Variants in KIF1A observed in about 807,000 individuals in gnomAD.
KIF1A encodes the protein kinesin family member 1A.
In KIF1A, 46 loss-of-function variants were observed where a neutral mutation model predicts 227.3. The ratio of observed to expected loss-of-function variants is 0.20; its 90% CI spans 0.16 to 0.26. KIF1A has a LOEUF of 0.26. Ranked by LOEUF, KIF1A falls within the 10% of genes least tolerant of loss-of-function variation. The pLI is 1.00. For synonymous variants in KIF1A, 1,022 were observed against 1,012.8 expected, an observed-to-expected ratio of 1.01 and a Z score of -0.17; for missense variants, 1,683 against 2,485.9, an observed-to-expected ratio of 0.68 and a Z score of 6.87.
intron 1 of KIF1A, among the ~76,000 whole-genome samples, chr2:240,814,321 C>T (rs1299876203): frequency 6.6e-6 from 1 of 152,102 alleles, no homozygotes; most frequent in African/African-American, 2.4e-5. Flanking sequence ...ACAAAGCCTG[C>T]TCATAAGTGA....
At chr2:240,747,407 T>C in intron 28 of KIF1A, 86 bp from the exon 29 acceptor site, 2 of 1,003,018 alleles carry the variant, frequency 2.0e-6, no homozygotes, top group Non-Finnish European at 3.0e-6. Context: ...CACCCCGCAG[T>C]CAAAGTGAGG....
rs2126137119 is a variant in KIF1A, at chr2:240,795,938, T to C, written c.106+1709A>G. Among the ~76,000 whole-genome samples the C allele has an allele frequency of 2.0e-5, 3 of 152,352 alleles. No homozygotes were observed. The South Asian group carries it at 6.2e-4, about 32-fold the overall frequency. ...GCTCGACGGGTCTGGTTCTTGTCACTGTGCCAACCATGGAGTTCCCCATGA... is the reference window on the plus strand; with the variant it reads ...GCTCGACGGGTCTGGTTCTTGTCACCGTGCCAACCATGGAGTTCCCCATGA... On this transcript the variant is annotated intron_variant, in intron 2 of 48. Transcript: ENST00000498729.
chr2:240,764,960 C>T (rs1450233862), intron 20 of KIF1A, among the ~76,000 whole-genome samples: 1 of 152,186 alleles, frequency 6.6e-6, no homozygotes, highest in Non-Finnish European at 1.5e-5. Flanking sequence ...CTGCCACCTG[C>T]CCATGGATTT....
chr2:240,719,313 C>T, intron 46 of KIF1A, 115 bp from the exon 47 acceptor site: 1 of 1,229,982 alleles, frequency 8.1e-7, no homozygotes, highest in Non-Finnish European at 1.1e-6. Context: ...CCTCCCCAGC[C>T]AGAAAGTGGG....
intron 1 of KIF1A, among the ~76,000 whole-genome samples, chr2:240,805,061 G>C (rs1245457335): frequency 1.8e-4 from 9 of 50,118 alleles, no homozygotes; most frequent in African/African-American, 1.1e-3. Flanking sequence ...AGGGAGAGGG[G>C]AGGGAGAGGG....
chr2:240,765,582 C>A (rs1009555605), intron 20 of KIF1A, 128 bp downstream of exon 20: 36 of 725,698 alleles, frequency 5.0e-5, no homozygotes, highest in Non-Finnish European at 8.4e-5. Flanking sequence ...CCCTCCCCTA[C>A]CTGCCCAGCG....
chr2:240,762,947 G>A (rs1319877237), intron 22 of KIF1A, 72 bp downstream of exon 22: 10 of 1,371,894 alleles, frequency 7.3e-6, no homozygotes, highest in Non-Finnish European at 9.8e-6. Flanking sequence ...GGGAGGAGTG[G>A]GGGCGTGGGA....
Position 240,757,669 on chromosome 2 carries a change from GCTGGGGGGCTT to G in KIF1A, c.2583-86_2583-76del. ...GGGACGAACAGGGGCCGGGGCCGGG[GCTGGGGGGCTT>G]CTGTTTAAAACCAAAACCAAACACA... is the stretch of plus-strand genomic sequence containing the variant. On this transcript the variant is annotated intron_variant, in intron 26 of 48. Transcript: ENST00000498729. This position sits in a 1 kb window ranked among gnomAD's most constrained non-coding sequence, Gnocchi z 6.2. 1 of 1,462,128 alleles carries G rather than the reference GCTGGGGGGCTT, an allele frequency of 6.8e-7. No homozygotes were observed. 90.6% of individuals were successfully genotyped at this position (1,462,128 alleles called of 1,614,324 possible). A position where few individuals can be genotyped will look rare whatever the true frequency, so the allele number is the denominator to read the frequency against.
chr2:240,786,744 G>GGGACGCCATCAGGA (rs1406812678), intron 5 of KIF1A, among the ~76,000 whole-genome samples: 1 of 52,782 alleles, frequency 1.9e-5, no homozygotes, highest in African/African-American at 8.2e-5. Context: ...TGCCTGCTGG[G>GGGACGCCATCAGGA]CCCCTGAGTG....
chr2:240,774,360 G>A, intron 11 of KIF1A, 99 bp from the exon 12 acceptor site: 1 of 666,652 alleles, frequency 1.5e-6, no homozygotes, highest in East Asian at 3.0e-5. Context: ...GGGAGGCTGA[G>A]GCCCAGAGAG....
In KIF1A at chr2:240,786,779, C is replaced by A. The variant is rs113017973; in HGVS notation, c.430-266G>T. On this transcript the variant is annotated intron_variant, in intron 5 of 48. Coordinates refer to ENST00000498729, the MANE Select transcript of KIF1A (RefSeq NM_001244008.2). ...GAGAGGGTAGGGGCCACCATCAGGA[C>A]CCCTGAGTGAGGGGGTGGGGGCTGC... 0.13 allele frequency among the ~76,000 whole-genome samples: 8,608 copies of A among 68,190 alleles called. 398 individuals carry two copies. Among genetic ancestry groups the A allele is most frequent in the African/African-American group, 0.23 (3,384 of 15,028 alleles). 44.7% of individuals were successfully genotyped at this position (68,190 alleles called of 152,430 possible).
chr2:240,776,130 G>A (rs1293862517), intron 10 of KIF1A, among the ~76,000 whole-genome samples: 1 of 152,174 alleles, frequency 6.6e-6, no homozygotes, highest in Non-Finnish European at 1.5e-5. Context: ...CCTCCTCTAG[G>A]CCACAGTCAG....
In KIF1A at chr2:240,721,794, C is replaced by A. The variant is rs1281980591; in HGVS notation, c.4743+13G>T. The A allele has an allele frequency of 6.3e-7, 1 of 1,595,988 alleles. No homozygotes were observed. Among genetic ancestry groups the A allele is most frequent in the Non-Finnish European group, 8.5e-7 (1 of 1,174,476 alleles). On this transcript the variant is annotated intron_variant, in intron 44 of 48. Transcript: ENST00000498729. ...CCCTGCGGGGCAGCCTGGTGCAGCC[C>A]CTCTGCACCCACCTTGCTCTCGCTG... is the stretch of plus-strand genomic sequence containing the variant.
In KIF1A at chr2:240,758,383, G is replaced by A; in HGVS notation, c.2559C>T (p.Phe853=). The A allele has an allele frequency of 6.2e-7, 1 of 1,612,564 alleles. No individual in the cohort carries two copies. The highest frequency in any genetic ancestry group is 8.5e-7 in the Non-Finnish European group (1 of 1,179,166). ...VTGGDPFYDR[F]PWFRLVGSSA... Reference sequence around the variant, plus strand: ...ACCTGCCCACCAGCCGGAACCAGGGGAAGCGGTCATAGAAGGGGTCTCCGC... The same window carrying A: ...ACCTGCCCACCAGCCGGAACCAGGGAAAGCGGTCATAGAAGGGGTCTCCGC... The change falls in exon 26 of 49, where the codon TTC becomes TTT. Residue 853 remains phenylalanine, a synonymous_variant. Coordinates refer to ENST00000498729, the MANE Select transcript of KIF1A (RefSeq NM_001244008.2). This position sits in a 1 kb window ranked among gnomAD's most constrained non-coding sequence, Gnocchi z 5.2.
intron 17 of KIF1A, 64 bp from the exon 18 acceptor site, chr2:240,767,409 C>T (rs2051347739): frequency 1.5e-6 from 2 of 1,326,178 alleles, no homozygotes; most frequent in Non-Finnish European, 2.2e-6. Context: ...TGGCCACACC[C>T]CCCTCCAACC....
At position 240,790,368 on chromosome 2, in the gene KIF1A, G is replaced by T. The variant is rs13010358; in HGVS notation, c.107-1056C>A. On this transcript the variant is annotated intron_variant, in intron 2 of 48. Transcript: ENST00000498729. The surrounding 1 kb of genome is among the most constrained non-coding windows in gnomAD (Gnocchi z 5.0). Reference sequence around the variant, plus strand: ...CGAAGCCCTCATGGCACCGTCCTATGCTTGGAGATGAAGGCTGGAGATGAG... The same window carrying T: ...CGAAGCCCTCATGGCACCGTCCTATTCTTGGAGATGAAGGCTGGAGATGAG... Among the ~76,000 whole-genome samples, 1,623 of 152,060 alleles carry T rather than the reference G, an allele frequency of 0.011. 19 individuals carry two copies. The highest frequency in any genetic ancestry group is 0.017 in the Non-Finnish European group (1,154 of 68,002).
intron 40 of KIF1A, chr2:240,724,383 T>A: frequency 2.7e-6 from 1 of 368,972 alleles, no homozygotes; most frequent in South Asian, 2.4e-5. Context: ...CGAGAGCCCC[T>A]CAGGCCCCAT....
Position 240,773,212 on chromosome 2 carries a change from T to A in KIF1A, c.1082A>T (p.Asn361Ile), listed in dbSNP as rs1575603705. 3 of 1,613,980 alleles carry A rather than the reference T, an allele frequency of 1.9e-6. No homozygotes were observed. Among genetic ancestry groups the A allele is most frequent in the Non-Finnish European group, 2.5e-6 (3 of 1,179,852 alleles). Residue 361 changes from asparagine to isoleucine, a missense_variant, in exon 13 of 49, where the codon AAT becomes ATT. Transcript: ENST00000498729. ...GATCAGCTTGTTGTTGGGGTCCTCA[T>A]TGATGACAGCATTGCAGCGGATCTG... The part of the protein sequence containing the change: ...AKQIRCNAVI[N>I]EDPNNKLIRE...
intron 1 of KIF1A, among the ~76,000 whole-genome samples, chr2:240,806,760 A>G (rs2057436440): frequency 1.3e-5 from 2 of 152,178 alleles, no homozygotes; most frequent in African/African-American, 4.8e-5. Flanking sequence ...AGCAATAGAA[A>G]CATGAATTTT....
Sources: allele counts gnomAD v4.1 joint callset (sites outside exome capture counted in the v4.1 genomes callset), GRCh38; gene constraint gnomAD v4.1.1; non-coding constraint Gnocchi (gnomAD v3.1); transcripts MANE v1.5; gene names NCBI Gene and HGNC (gene_info 2026-07-23, HGNC 2026-07-21).